Variants in SERPINB1 observed in about 807,000 individuals in gnomAD.
The protein encoded by SERPINB1 is leukocyte elastase inhibitor.
SERPINB1 carries 23 observed loss-of-function variants against 25.9 expected under a neutral mutation model. The observed-to-expected ratio is 0.89, with a 90% CI of 0.64 to 1.26. SERPINB1 has a LOEUF of 1.26. SERPINB1 is among the 50% of genes most tolerant of loss of function. The pLI, the probability that SERPINB1 is intolerant of heterozygous loss-of-function variation, is 0.00. For synonymous variants in SERPINB1, 178 were observed against 178.7 expected (o/e 1.00, Z 0.03); for missense variants, 399 against 463.6 (o/e 0.86, Z 1.28).
rs935920135 is a variant in SERPINB1 at position 2,832,402 on chromosome 6, G to A, written c.*1206C>T. Reference sequence around the variant, plus strand: ...TATCCTTGTGGGAGCAAGAATATGCGGCGTTTCAAGCTCCATTCAAAGAAC... The same window carrying A: ...TATCCTTGTGGGAGCAAGAATATGCAGCGTTTCAAGCTCCATTCAAAGAAC... On this transcript the variant is annotated 3_prime_UTR_variant, in exon 7 of 7. Coordinates refer to ENST00000380739, the MANE Select transcript of SERPINB1 (RefSeq NM_030666.4). The A allele has an allele frequency of 3.9e-5, 6 of 152,250 alleles. No homozygotes were observed. The highest frequency in any genetic ancestry group is 2.1e-4 in the South Asian group (1 of 4,830). 9.4% of individuals were successfully genotyped at this position (152,250 alleles called of 1,614,324 possible). A position where few individuals can be genotyped will look rare whatever the true frequency, so the allele number is the denominator to read the frequency against.
At position 2,832,666 on chromosome 6, in the gene SERPINB1, G is replaced by A. The variant is rs1273775701; in HGVS notation, c.*942C>T. 6.6e-6 allele frequency: 1 copy of A among 152,254 alleles called. No homozygotes were observed. The highest frequency in any genetic ancestry group is 1.5e-5 in the Non-Finnish European group (1 of 68,202). The allele number at this position is 152,254 out of a possible 1,614,324, so 9.4% of individuals were successfully genotyped here. ...TACTAAAAATACAAAAATTAGCCAG[G>A]CCTAGTGGTGCATGCCTATAATCCC... On this transcript the variant is annotated 3_prime_UTR_variant, in exon 7 of 7. Coordinates refer to ENST00000380739, the MANE Select transcript of SERPINB1 (RefSeq NM_030666.4).
chr6:2,837,738 A>G lies in SERPINB1; in HGVS notation c.424+144T>C. The stretch of plus-strand genomic sequence containing the variant: ...GCAACGTGCAGTGCAGACTTCACGC[A>G]CCGGCAGCGTCCTCTGACTGTAACC... On this transcript the variant is annotated intron_variant, in intron 4 of 6. Transcript: ENST00000380739. This position sits in a 1 kb window ranked among gnomAD's most constrained non-coding sequence, Gnocchi z 4.3. 2 of 692,398 alleles carry G rather than the reference A, an allele frequency of 2.9e-6. No homozygotes were observed. Among genetic ancestry groups the G allele is most frequent in the East Asian group, 5.0e-5 (2 of 40,316 alleles). The allele number at this position is 692,398 out of a possible 1,614,324, so 42.9% of individuals were successfully genotyped here. A position where few individuals can be genotyped will look rare whatever the true frequency, so the allele number is the denominator to read the frequency against.
intron 2 of SERPINB1, among the ~76,000 whole-genome samples, chr6:2,839,959 C>T (rs1343627036): frequency 7.9e-5 from 12 of 152,232 alleles, no homozygotes; most frequent in Admixed American, 1.3e-4. Context: ...AAAAGCAATG[C>T]CACTATCTCC....
chr6:2,833,491 A>G lies in SERPINB1; in HGVS notation c.*117T>C, dbSNP rs1259728565. 2.0e-6 allele frequency: 2 copies of G among 1,009,114 alleles called. No homozygotes were observed. The highest frequency in any genetic ancestry group is 2.8e-6 in the Non-Finnish European group (2 of 725,758). 62.5% of individuals were successfully genotyped at this position (1,009,114 alleles called of 1,614,324 possible). The stretch of plus-strand genomic sequence containing the variant: ...AGAGCCAAACTTACAAAGAAAATGA[A>G]AGACTTGTTTCTGAACAGTGGTTTT... On this transcript the variant is annotated 3_prime_UTR_variant, in exon 7 of 7. Transcript: ENST00000380739.
rs1472107917 is a variant in SERPINB1, at chr6:2,838,664, T to A, written c.191A>T (p.Glu64Val). ...LSKTFHFNTV[E>V]EVHSRFQSLN... The stretch of plus-strand genomic sequence containing the variant: ...ACTCTGGAATCTTGAATGAACCTCT[T>A]CAACCGTGTTGAAATGGAAAGTCTA... The change falls in exon 3 of 7, where the codon GAA (glutamate) becomes GTA (valine). Residue 64 changes from glutamate to valine, a missense_variant. Physicochemically the swap from Glu to Val is moderately radical, Grantham distance 121 (BLOSUM62 -2). Transcript: ENST00000380739. 6.3e-7 allele frequency: 1 copy of A among 1,593,546 alleles called. No individual in the cohort carries two copies. Among genetic ancestry groups the A allele is most frequent in the South Asian group, 1.1e-5 (1 of 87,060 alleles).
chr6:2,840,678 A>C, intron 1 of SERPINB1, 84 bp from the exon 2 acceptor site: 1 of 1,364,268 alleles, frequency 7.3e-7, no homozygotes, highest in Non-Finnish European at 9.9e-7. Context: ...AGCTTCCTCA[A>C]TTTCTGCCAA....
Position 2,833,426 on chromosome 6 carries a change from T to C in SERPINB1, c.*182A>G, listed in dbSNP as rs1766396424. 7.6e-6 allele frequency: 4 copies of C among 524,268 alleles called. No homozygotes were observed. Among genetic ancestry groups the C allele is most frequent in the African/African-American group, 2.0e-5 (1 of 50,760 alleles). The allele number at this position is 524,268 out of a possible 1,614,324, so 32.5% of individuals were successfully genotyped here. On this transcript the variant is annotated 3_prime_UTR_variant, in exon 7 of 7. Coordinates refer to ENST00000380739, the MANE Select transcript of SERPINB1 (RefSeq NM_030666.4). ...TTTTTTTCAATGTAAAAAAGAAAAA[T>C]AGATACCCATGCCAAAATTCATGGG...
In SERPINB1 at chr6:2,838,640, C is replaced by T. The variant is rs143565908; in HGVS notation, c.215G>A (p.Ser72Asn). The T allele has an allele frequency of 5.6e-6, 9 of 1,609,004 alleles. No homozygotes were observed. Among genetic ancestry groups the T allele is most frequent in the Non-Finnish European group, 7.6e-6 (9 of 1,177,692 alleles). ...TVEEVHSRFQ[S>N]LNADINKRGA... The stretch of plus-strand genomic sequence containing the variant: ...ACGTTTGTTGATATCAGCATTCAGA[C>T]TCTGGAATCTTGAATGAACCTCTTC... The change falls in exon 3 of 7, where the codon AGT (serine) becomes AAT (asparagine). Residue 72 changes from serine (S) to asparagine (N), a missense_variant. Physicochemically the swap from Ser to Asn is conservative, Grantham distance 46 (BLOSUM62 1). Transcript: ENST00000380739.
At chr6:2,840,302 TA>T in intron 2 of SERPINB1, 116 bp downstream of exon 2, 1 of 1,276,278 alleles carries the variant, frequency 7.8e-7, no homozygotes, top group Non-Finnish European at 1.1e-6. Flanking sequence ...TCTGATCTCA[TA>T]AAAATACAGT....
Position 2,838,560 on chromosome 6 carries a change from T to A in SERPINB1, c.295A>T (p.Asn99Tyr). ...ANRLYGEKTY[N>Y]FLPEFLVSTQ... ...GGCAAAGTACTTACAGGAAGGAAATTGTAAGTTTTCTCTCCATATAATCTA... is the reference window on the plus strand; with the variant it reads ...GGCAAAGTACTTACAGGAAGGAAATAGTAAGTTTTCTCTCCATATAATCTA... The change falls in exon 3 of 7, where the codon AAT becomes TAT. Residue 99 changes from asparagine (N) to tyrosine (Y), a missense_variant. By Grantham distance (143) the Asn-to-Tyr change is moderately radical. Coordinates refer to ENST00000380739, the MANE Select transcript of SERPINB1 (RefSeq NM_030666.4). 6.3e-7 allele frequency: 1 copy of A among 1,597,032 alleles called. No homozygotes were observed. The highest frequency in any genetic ancestry group is 8.5e-7 in the Non-Finnish European group (1 of 1,172,730).
In SERPINB1 at chr6:2,837,322, A is replaced by G. The variant is rs1766519992; in HGVS notation, c.424+560T>C. Among the ~76,000 whole-genome samples, 4 of 152,124 alleles carry G rather than the reference A, an allele frequency of 2.6e-5. No homozygotes were observed. The South Asian group carries it at 8.3e-4, about 32-fold the overall frequency. ...ACGACGGAGTCTCGCTCTGTTGCCTAGGCTGGAGTACAGTGGCATGATCTC... is the reference window on the plus strand; with the variant it reads ...ACGACGGAGTCTCGCTCTGTTGCCTGGGCTGGAGTACAGTGGCATGATCTC... On this transcript the variant is annotated intron_variant, in intron 4 of 6. Coordinates refer to ENST00000380739, the MANE Select transcript of SERPINB1 (RefSeq NM_030666.4). This position sits in a 1 kb window ranked among gnomAD's most constrained non-coding sequence, Gnocchi z 4.3.
chr6:2,838,185 A>T (rs1489899608), intron 3 of SERPINB1, among the ~76,000 whole-genome samples, 186 bp from the exon 4 acceptor site: 1 of 152,204 alleles, frequency 6.6e-6, no homozygotes, highest in Non-Finnish European at 1.5e-5. Context: ...TTACGATCTT[A>T]GCCACTTTTA....
intron 6 of SERPINB1, among the ~76,000 whole-genome samples, chr6:2,835,193 A>G (rs996061945): frequency 3.3e-5 from 5 of 152,206 alleles, no homozygotes; most frequent in African/African-American, 1.2e-4. Flanking sequence ...CCCTACATAT[A>G]ATGGAAACCT....
rs1340474702 is a variant in SERPINB1 at position 2,841,026 on chromosome 6, C to A, written c.-8-432G>T. 6.6e-6 allele frequency among the ~76,000 whole-genome samples: 1 copy of A among 152,074 alleles called. No individual in the cohort carries two copies. The highest frequency in any genetic ancestry group is 1.5e-5 in the Non-Finnish European group (1 of 68,032). ...ATTCATTGGGCAATGAATCCATTGC[C>A]TACCTTCACCTGAACTAAGAGCCTT... On this transcript the variant is annotated intron_variant, in intron 1 of 6. Transcript: ENST00000380739. The surrounding 1 kb of genome is among the most constrained non-coding windows in gnomAD (Gnocchi z 4.5).
chr6:2,835,709 G>A (rs1371389882), intron 6 of SERPINB1, 147 bp downstream of exon 6: 5 of 838,102 alleles, frequency 6.0e-6, no homozygotes, highest in Non-Finnish European at 9.1e-6. Context: ...CTGGGCTTTA[G>A]TGTAGTAAGT....
In SERPINB1 at chr6:2,839,814, C is replaced by T. The variant is rs146719371; in HGVS notation, c.168+605G>A. Among the ~76,000 whole-genome samples the T allele has an allele frequency of 1.3e-4, 17 of 132,376 alleles. No homozygotes were observed. In the East Asian group the frequency reaches 3.9e-3, roughly 31 times the overall value. The allele number at this position is 132,376 out of a possible 152,430, so 86.8% of individuals were successfully genotyped here. ...GAGTGACCTGTCACATCGCCAAGGG[C>T]TGGGTCCCGCCCCTGAAGCTGCGGG... On this transcript the variant is annotated intron_variant, in intron 2 of 6. Transcript: ENST00000380739.
intron 4 of SERPINB1, among the ~76,000 whole-genome samples, chr6:2,836,603 T>C (rs555360113): frequency 4.3e-4 from 66 of 152,322 alleles, no homozygotes; most frequent in African/African-American, 1.4e-3. Context: ...AAAAAAATTC[T>C]TAATGAAGAT....
intron 1 of SERPINB1, 96 bp from the exon 2 acceptor site, chr6:2,840,690 C>T (rs370600432): frequency 6.0e-6 from 7 of 1,167,988 alleles, no homozygotes; most frequent in South Asian, 1.6e-5. Context: ...TTCTGCCAAC[C>T]GCCCTGAGGC....
chr6:2,837,839 A>G lies in SERPINB1; in HGVS notation c.424+43T>C. 7.1e-7 allele frequency: 1 copy of G among 1,409,708 alleles called. No individual in the cohort carries two copies. The highest frequency in any genetic ancestry group is 1.0e-6 in the Non-Finnish European group (1 of 994,858). The allele number at this position is 1,409,708 out of a possible 1,614,324, so 87.3% of individuals were successfully genotyped here. A position where few individuals can be genotyped will look rare whatever the true frequency, so the allele number is the denominator to read the frequency against. On this transcript the variant is annotated intron_variant, in intron 4 of 6. Transcript: ENST00000380739. The surrounding 1 kb of genome is among the most constrained non-coding windows in gnomAD (Gnocchi z 4.3). ...GGAAGGCGGACTGAGGAAACGAATG[A>G]CATGACCAGCGCATAATGATTCCAT...
Sources: gnomAD v4.1 joint callset for allele counts (sites outside exome capture counted in the v4.1 genomes callset) on GRCh38, gnomAD v4.1.1 for gene constraint, Gnocchi (gnomAD v3.1) non-coding constraint, MANE v1.5 for transcripts, NCBI Gene and HGNC (gene_info 2026-07-23, HGNC 2026-07-21) for gene names.